STRN: variants seen among roughly 807,000 people sequenced by gnomAD.
STRN encodes the protein protein phosphatase 2 regulatory subunit B'''alpha.
A neutral mutation model predicts 96.3 loss-of-function variants in STRN; 53 were observed. That is an observed-to-expected ratio of 0.55 (90% CI 0.44 to 0.69). The LOEUF (loss-of-function observed/expected upper bound fraction) is 0.69, where lower values mean the gene tolerates loss of function less well. STRN is among the 30% of genes least tolerant of loss of function. The pLI is 0.00. For missense variants in STRN, 987 were observed against 963.9 expected, an observed-to-expected ratio of 1.02 and a Z score of -0.32; for synonymous variants, 428 against 355.9, an observed-to-expected ratio of 1.20 and a Z score of -2.28.
At chr2:36,900,152 C>T (rs1381099247) in intron 5 of STRN, among the ~76,000 whole-genome samples, 1 of 152,162 alleles carries the variant, frequency 6.6e-6, no homozygotes, top group East Asian at 1.9e-4. Context: ...GCCTCAGCCT[C>T]CCAAAGTGCT....
At chr2:36,875,397 T>C (rs1295819017) in intron 10 of STRN, among the ~76,000 whole-genome samples, 3 of 150,620 alleles carry the variant, frequency 2.0e-5, no homozygotes, top group African/African-American at 7.3e-5. Flanking sequence ...TCCCAGCTAC[T>C]TGGGAGGCTG....
At chr2:36,955,269 G>A (rs367932813) in intron 1 of STRN, among the ~76,000 whole-genome samples, 1 of 152,162 alleles carries the variant, frequency 6.6e-6, no homozygotes, top group African/African-American at 2.4e-5. Flanking sequence ...CCTGAGAAAA[G>A]TCACTTCCTT....
Position 36,837,842 on chromosome 2 carries a change from A to G in STRN, c.*11614T>C, listed in dbSNP as rs928465833. 6.6e-6 allele frequency among the ~76,000 whole-genome samples: 1 copy of G among 152,222 alleles called. No homozygotes were observed. The highest frequency in any genetic ancestry group is 1.5e-5 in the Non-Finnish European group (1 of 68,038). ...GTACAACATACAAAATGCTTTCACAAACTAGTTAACTAAAAAGACAAACGG... is the reference window on the plus strand; with the variant it reads ...GTACAACATACAAAATGCTTTCACAGACTAGTTAACTAAAAAGACAAACGG... On this transcript the variant is annotated 3_prime_UTR_variant, in exon 18 of 18. Coordinates refer to ENST00000263918, the MANE Select transcript of STRN (RefSeq NM_003162.4).
intron 1 of STRN, among the ~76,000 whole-genome samples, chr2:36,943,418 T>C (rs1055897994): frequency 2.0e-5 from 3 of 151,636 alleles, no homozygotes; most frequent in Admixed American, 1.3e-4. Context: ...ATAAGATTAA[T>C]AAAACTTTTA....
chr2:36,934,042 G>A (rs375235948), intron 1 of STRN, among the ~76,000 whole-genome samples: 3 of 152,264 alleles, frequency 2.0e-5, no homozygotes, highest in African/African-American at 7.2e-5. Flanking sequence ...CTAGGAGGCA[G>A]AGCTTGCAGT....
intron 4 of STRN, 85 bp downstream of exon 4, chr2:36,905,455 T>C: frequency 8.2e-7 from 1 of 1,217,838 alleles, no homozygotes; most frequent in Non-Finnish European, 1.2e-6. Context: ...AATATTCATC[T>C]GACTTGAAAA....
chr2:36,852,872 T>C (rs1326835485), intron 15 of STRN, among the ~76,000 whole-genome samples: 1 of 152,108 alleles, frequency 6.6e-6, no homozygotes, highest in East Asian at 1.9e-4. Context: ...AAATATAAAA[T>C]GTGGCTGGGC....
At chr2:36,937,044 A>T (rs1670717948) in intron 1 of STRN, among the ~76,000 whole-genome samples, 1 of 152,198 alleles carries the variant, frequency 6.6e-6, no homozygotes, top group African/African-American at 2.4e-5. Flanking sequence ...AAATAAGCTC[A>T]GTTAAAAAGA....
At chr2:36,867,418 G>A (rs1449701857) in intron 12 of STRN, 2 of 156,006 alleles carry the variant, frequency 1.3e-5, no homozygotes, top group Admixed American at 1.3e-4. Context: ...AACCCTTCGT[G>A]AATCTGTGTC....
At chr2:36,849,911 G>A (rs1668178067) in intron 16 of STRN, 111 bp from the exon 17 acceptor site, 2 of 995,628 alleles carry the variant, frequency 2.0e-6, no homozygotes, top group Admixed American at 2.1e-5. Context: ...TGTGCTTACT[G>A]TATTAATAGC....
intron 11 of STRN, among the ~76,000 whole-genome samples, chr2:36,868,987 C>G (rs1668698091): frequency 6.6e-6 from 1 of 151,432 alleles, no homozygotes; most frequent in African/African-American, 2.4e-5. Flanking sequence ...TAACTCATGT[C>G]TATCCATGCT....
At chr2:36,867,109 C>A (rs1355326514) in intron 12 of STRN, among the ~76,000 whole-genome samples, 1 of 152,170 alleles carries the variant, frequency 6.6e-6, no homozygotes, top group Non-Finnish European at 1.5e-5. Flanking sequence ...TGTGTAGTTG[C>A]TACAAAGTGT....
At chr2:36,875,407 G>A (rs556821309) in intron 10 of STRN, among the ~76,000 whole-genome samples, 52 of 150,074 alleles carry the variant, frequency 3.5e-4, no homozygotes, top group Middle Eastern at 3.4e-3. Context: ...TTGGGAGGCT[G>A]AGGTGGGAGG....
At chr2:36,917,912 A>AT (rs1670152154) in intron 2 of STRN, among the ~76,000 whole-genome samples, 1 of 152,166 alleles carries the variant, frequency 6.6e-6, no homozygotes, top group Non-Finnish European at 1.5e-5. Context: ...GTCTCCATAC[A>AT]TTTTTTAAAA....
intron 9 of STRN, among the ~76,000 whole-genome samples, chr2:36,883,276 A>T (rs1209220681): frequency 6.6e-5 from 10 of 152,046 alleles, no homozygotes; most frequent in Admixed American, 6.5e-4. Context: ...CCAACATGGC[A>T]AAACCCCATC....
intron 4 of STRN, among the ~76,000 whole-genome samples, chr2:36,903,939 T>C (rs1430796507): frequency 5.3e-5 from 8 of 152,200 alleles, no homozygotes; most frequent in Non-Finnish European, 1.2e-4. Context: ...ACATTACAAA[T>C]ACCTGTTTCA....
At chr2:36,915,221 C>A (rs1469355070) in intron 3 of STRN, among the ~76,000 whole-genome samples, 1 of 90,646 alleles carries the variant, frequency 1.1e-5, no homozygotes, top group Non-Finnish European at 2.3e-5. Context: ...GAAATTTAAA[C>A]TGAATACATA....
chr2:36,945,670 A>G (rs1350152364), intron 1 of STRN, among the ~76,000 whole-genome samples: 1 of 152,218 alleles, frequency 6.6e-6, no homozygotes, highest in Non-Finnish European at 1.5e-5. Flanking sequence ...CTCAGAAAAA[A>G]AAAAGAATGC....
chr2:36,909,602 G>A (rs937285119), intron 3 of STRN, among the ~76,000 whole-genome samples: 1 of 151,836 alleles, frequency 6.6e-6, no homozygotes, highest in African/African-American at 2.4e-5. Flanking sequence ...GCACAGGGAG[G>A]AACAAAAACA....
Sources: gnomAD v4.1 joint callset for allele counts (sites outside exome capture counted in the v4.1 genomes callset) on GRCh38, gnomAD v4.1.1 for gene constraint, MANE v1.5 for transcripts, NCBI Gene and HGNC (gene_info 2026-07-23, HGNC 2026-07-21) for gene names.